LPIN1: variants seen among roughly 807,000 people sequenced by gnomAD.
The protein encoded by LPIN1 is phosphatidate phosphatase LPIN1.
Under a neutral mutation model 107.5 loss-of-function variants are expected in LPIN1, and 71 were observed. That is an observed-to-expected ratio of 0.66 (90% CI 0.55 to 0.80). LPIN1 has a LOEUF of 0.80. Among genes scored for constraint, LPIN1 ranks in the 30% least tolerant of loss-of-function variants. The pLI is 0.00. For synonymous variants in LPIN1, 445 were observed against 452.6 expected, an observed-to-expected ratio of 0.98 and a Z score of 0.21; for missense variants, 1,043 against 1,160.6, an observed-to-expected ratio of 0.90 and a Z score of 1.47.
At chr2:11,793,259 C>T (rs1676097475) in intron 13 of LPIN1, among the ~76,000 whole-genome samples, 2 of 152,164 alleles carry the variant, frequency 1.3e-5, no homozygotes, top group South Asian at 2.1e-4. Context: ...ATCAGTTTTC[C>T]ATCTGAAATA....
chr2:11,699,703 A>G (rs1459494252), intron 1 of LPIN1, among the ~76,000 whole-genome samples: 3 of 152,160 alleles, frequency 2.0e-5, no homozygotes, highest in Non-Finnish European at 4.4e-5. Context: ...CTGAGTGACC[A>G]CCGTGTGCTG....
At chr2:11,791,747 A>G (rs1427709105) in intron 12 of LPIN1, 167 bp from the exon 13 acceptor site, 12 of 1,474,240 alleles carry the variant, frequency 8.1e-6, no homozygotes, top group African/African-American at 4.2e-5. Flanking sequence ...TTTGGACGCC[A>G]TTAGGTTTTG....
rs114655428 is a variant in LPIN1, at chr2:11,696,876, C to T, written c.82-16880C>T. On this transcript the variant is annotated intron_variant, in intron 1 of 21. Transcript: ENST00000449576. ...CTCCTGTCAGCCTCGAAGTGTCCTG[C>T]GCCCCTCCCTGGCTACGCCCAGGTG... Among the ~76,000 whole-genome samples the T allele has an allele frequency of 6.7e-3, 1,014 of 152,334 alleles. 12 individuals carry two copies. Among genetic ancestry groups the T allele is most frequent in the African/African-American group, 0.023 (955 of 41,572 alleles).
chr2:11,806,901 A>G (rs1678787217), intron 17 of LPIN1, among the ~76,000 whole-genome samples: 2 of 152,118 alleles, frequency 1.3e-5, no homozygotes, highest in South Asian at 4.1e-4. Flanking sequence ...TTATTTAATT[A>G]TTCATCATAT....
chr2:11,789,102 A>G (rs946308775), intron 12 of LPIN1, among the ~76,000 whole-genome samples: 2 of 152,232 alleles, frequency 1.3e-5, no homozygotes, highest in African/African-American at 4.8e-5. Flanking sequence ...GCTAGATTAT[A>G]CGTTCTTTGC....
chr2:11,721,254 T>A (rs1664114595), upstream of LPIN1, among the ~76,000 whole-genome samples: 2 of 145,302 alleles, frequency 1.4e-5, no homozygotes, highest in South Asian at 4.5e-4. Context: ...ACAGTTACTG[T>A]ACTGCATGCG....
rs767791222 is a variant in LPIN1 at position 11,783,885 on chromosome 2, A to G, written c.1321A>G (p.Met441Val). Residue 441 changes from methionine to valine, a missense_variant, in exon 9 of 21, where the codon ATG becomes GTG. Transcript: ENST00000674199. ...CGTCTACTTGGATGACCTCACAGAC[A>G]TGGATCCTGAAGTGGCGGCCCTGTA... Reference protein sequence around the residue: ...DGVYLDDLTDMDPEVAALYFP... With the variant: ...DGVYLDDLTDVDPEVAALYFP... The G allele has an allele frequency of 1.7e-5, 28 of 1,614,240 alleles. No individual in the cohort carries two copies. Among genetic ancestry groups the G allele is most frequent in the Non-Finnish European group, 2.2e-5 (26 of 1,180,038 alleles).
intron 6 of LPIN1, among the ~76,000 whole-genome samples, chr2:11,779,230 C>T (rs1266588041): frequency 6.6e-6 from 1 of 152,164 alleles, no homozygotes; most frequent in Non-Finnish European, 1.5e-5. Flanking sequence ...CTATTTTTCC[C>T]TTTCTCTTTC....
chr2:11,763,054 C>G (rs1267108258), intron 1 of LPIN1: 1 of 152,150 alleles, frequency 6.6e-6, no homozygotes, highest in Non-Finnish European at 1.5e-5. Flanking sequence ...ACGAGTCCGC[C>G]AAACCATCAG....
intron 2 of LPIN1, among the ~76,000 whole-genome samples, chr2:11,719,177 T>C (rs922633169): frequency 6.6e-6 from 1 of 152,242 alleles, no homozygotes; most frequent in African/African-American, 2.4e-5. Context: ...TAATTTCTCT[T>C]CTATTCCCTT....
At chr2:11,772,420 A>G (rs964208307) in intron 4 of LPIN1, among the ~76,000 whole-genome samples, 1 of 152,222 alleles carries the variant, frequency 6.6e-6, no homozygotes, top group African/African-American at 2.4e-5. Flanking sequence ...GCAGCCTGGA[A>G]TGGAGTCAAG....
chr2:11,808,294 A>T (rs937605550), intron 17 of LPIN1, among the ~76,000 whole-genome samples: 5 of 152,156 alleles, frequency 3.3e-5, no homozygotes, highest in Admixed American at 2.0e-4. Flanking sequence ...TTCCCATCCT[A>T]GCAGGCTCTC....
At chr2:11,805,047 T>C in intron 16 of LPIN1, 23 bp from the exon 17 acceptor site, 1 of 1,479,152 alleles carries the variant, frequency 6.8e-7, no homozygotes, top group Non-Finnish European at 9.5e-7. Flanking sequence ...TTACTTTATT[T>C]TTCTCTTTTC....
chr2:11,794,670 G>A (rs769557603), intron 13 of LPIN1, among the ~76,000 whole-genome samples: 1 of 152,064 alleles, frequency 6.6e-6, no homozygotes, highest in Non-Finnish European at 1.5e-5. Context: ...GTTCACCCTC[G>A]GTCCCTTGGC....
intron 3 of LPIN1, among the ~76,000 whole-genome samples, chr2:11,770,988 C>T (rs1423374792): frequency 1.3e-5 from 2 of 152,068 alleles, no homozygotes; most frequent in Non-Finnish European, 2.9e-5. Flanking sequence ...CACATCTACA[C>T]AGAAGTGCAA....
chr2:11,798,820 G>A (rs2577262), intron 14 of LPIN1, among the ~76,000 whole-genome samples: 60,656 of 151,174 alleles, frequency 0.4, 14,889 homozygotes, highest in African/African-American at 0.7. Context: ...ATTGACAGAC[G>A]TGATTGACAG....
rs1020185520 is a variant in LPIN1, at chr2:11,825,570, C to T, written c.*779C>T. ...CTAGCTCATGGTAACTTTGCAACGCCTTAGATTAAAATGACAGTAAATATT... is the reference window on the plus strand; with the variant it reads ...CTAGCTCATGGTAACTTTGCAACGCTTTAGATTAAAATGACAGTAAATATT... On this transcript the variant is annotated 3_prime_UTR_variant, in exon 21 of 21. Coordinates refer to ENST00000674199, the MANE Select transcript of LPIN1 (RefSeq NM_001349206.2). The surrounding 1 kb of genome is among the most constrained non-coding windows in gnomAD (Gnocchi z 4.1). The T allele has an allele frequency of 2.6e-5, 4 of 152,602 alleles. No homozygotes were observed. The highest frequency in any genetic ancestry group is 2.0e-4 in the Admixed American group (3 of 15,280). 9.5% of individuals were successfully genotyped at this position (152,602 alleles called of 1,614,324 possible). A position where few individuals can be genotyped will look rare whatever the true frequency, so the allele number is the denominator to read the frequency against.
intron 20 of LPIN1, among the ~76,000 whole-genome samples, chr2:11,821,623 G>C (rs924915916): frequency 3.9e-5 from 6 of 152,232 alleles, no homozygotes; most frequent in Non-Finnish European, 8.8e-5. Flanking sequence ...GATTCCTAAG[G>C]ATTGGTTTTC....
intron 12 of LPIN1, among the ~76,000 whole-genome samples, chr2:11,789,703 A>G (rs1354400972): frequency 2.0e-5 from 3 of 152,124 alleles, no homozygotes; most frequent in Non-Finnish European, 4.4e-5. Flanking sequence ...TGTCCCTGCC[A>G]TGGTATCCAT....
Sources: allele counts gnomAD v4.1 joint callset (sites outside exome capture counted in the v4.1 genomes callset), GRCh38; gene constraint gnomAD v4.1.1; non-coding constraint Gnocchi (gnomAD v3.1); transcripts MANE v1.5; gene names NCBI Gene and HGNC (gene_info 2026-07-23, HGNC 2026-07-21).